The following ZNF664 variants were observed in gnomAD, a reference collection of about 807,000 sequenced individuals.
The protein encoded by ZNF664 is zinc finger Organ of Corti 1.
In ZNF664, 10 loss-of-function variants were observed where a neutral mutation model predicts 18.2. The ratio of observed to expected loss-of-function variants is 0.55; its 90% CI spans 0.34 to 0.93. The LOEUF (loss-of-function observed/expected upper bound fraction) is 0.93. Among genes scored for constraint, ZNF664 ranks in the 40% least tolerant of loss-of-function variants. The pLI, the probability that ZNF664 is intolerant of heterozygous loss-of-function variation, is 0.02. For missense variants in ZNF664, 193 were observed against 319.0 expected (o/e 0.61, Z 3.01); for synonymous variants, 119 against 104.2 (o/e 1.14, Z -0.86).
At chr12:123,998,572 T>C (rs1309679195) in intron 3 of ZNF664, 1 of 152,358 alleles carries the variant, frequency 6.6e-6, no homozygotes, top group African/African-American at 2.4e-5. Context: ...ACTTTGTCCT[T>C]TGGGTTTCAG....
chr12:124,014,264 C>CA lies in ZNF664; in HGVS notation c.*1335dup, dbSNP rs1957166916. ...TGAGCTGAGGCCGGAGGAGAAGTAGCAGTCGCTGGCAGAGCACACAGGCTG... is the reference window on the plus strand; with the variant it reads ...TGAGCTGAGGCCGGAGGAGAAGTAGCAAGTCGCTGGCAGAGCACACAGGCTG... On this transcript the variant is annotated 3_prime_UTR_variant, in exon 5 of 5. Transcript: ENST00000337815. 1 of 167,038 alleles carries CA rather than the reference C, an allele frequency of 6.0e-6. No individual in the cohort carries two copies. The highest frequency in any genetic ancestry group is 1.5e-5 in the Non-Finnish European group (1 of 68,246). 10.3% of individuals were successfully genotyped at this position (167,038 alleles called of 1,614,324 possible). A position where few individuals can be genotyped will look rare whatever the true frequency, so the allele number is the denominator to read the frequency against.
rs551315758 is a variant in ZNF664, at chr12:124,001,578, C to G, written c.-660-9803C>G. ...CACCCTGCAGAGGCCTCCTCTAGATCTGAGGTCAGCCATCAGTTCAAAGTG... is the reference window on the plus strand; with the variant it reads ...CACCCTGCAGAGGCCTCCTCTAGATGTGAGGTCAGCCATCAGTTCAAAGTG... On this transcript the variant is annotated intron_variant, in intron 3 of 4. Coordinates refer to ENST00000337815, the MANE Select transcript of ZNF664 (RefSeq NM_152437.3). 2.1e-4 allele frequency among the ~76,000 whole-genome samples: 32 copies of G among 152,350 alleles called. 1 individual carries two copies. In the South Asian group the frequency reaches 5.6e-3, roughly 27 times the overall value.
chr12:123,998,229 G>C (rs1349392704), intron 3 of ZNF664, among the ~76,000 whole-genome samples: 1 of 152,112 alleles, frequency 6.6e-6, no homozygotes, highest in African/African-American at 2.4e-5. Context: ...CGGCACCTGT[G>C]ACAGGCTCCA....
chr12:123,989,129 C>T (rs903797933), intron 3 of ZNF664, among the ~76,000 whole-genome samples: 5 of 152,144 alleles, frequency 3.3e-5, no homozygotes, highest in African/African-American at 1.2e-4. Flanking sequence ...GGCCTCTGTC[C>T]TAGTGGGTCT....
At chr12:123,973,432 G>A (rs1218127035) in intron 1 of ZNF664, 80 bp downstream of exon 1, 14 of 840,462 alleles carry the variant, frequency 1.7e-5, no homozygotes, top group Non-Finnish European at 1.7e-5. Context: ...GAGCGGGCTG[G>A]GGGTGGGAAG....
At position 124,012,163 on chromosome 12, in the gene ZNF664, A is replaced by G. The variant is rs778544598; in HGVS notation, c.19A>G (p.Met7Val). The stretch of plus-strand genomic sequence containing the variant: ...AGGAAAAATGATCTACAAGTGCCCC[A>G]TGTGTAGGGAATTTTTCTCTGAGAG... MIYKCP[M>V]CREFFSERAD... Residue 7 changes from methionine (M) to valine (V), a missense_variant, in exon 5 of 5, where the codon ATG becomes GTG. By Grantham distance (21) the Met-to-Val change is conservative. Around this residue, in one of 3 missense-constraint regions of ZNF664, gnomAD observed 90 missense variants for 118.9 expected, o/e 0.76. Transcript: ENST00000337815. 17 of 1,611,412 alleles carry G rather than the reference A, an allele frequency of 1.1e-5. No individual in the cohort carries two copies. The highest frequency in any genetic ancestry group is 1.4e-5 in the Non-Finnish European group (17 of 1,179,400).
At position 124,014,198 on chromosome 12, in the gene ZNF664, C is replaced by T. The variant is rs891212312; in HGVS notation, c.*1268C>T. ...GTGGGGTGGGGTGGGGGTGGGGTGACATTAGCTAGTGGTCAGGGAGGCCTT... is the reference window on the plus strand; with the variant it reads ...GTGGGGTGGGGTGGGGGTGGGGTGATATTAGCTAGTGGTCAGGGAGGCCTT... On this transcript the variant is annotated 3_prime_UTR_variant, in exon 5 of 5. Coordinates refer to ENST00000337815, the MANE Select transcript of ZNF664 (RefSeq NM_152437.3). 8 of 166,842 alleles carry T rather than the reference C, an allele frequency of 4.8e-5. No homozygotes were observed. Among genetic ancestry groups the T allele is most frequent in the Admixed American group, 2.6e-4 (4 of 15,256 alleles). 10.3% of individuals were successfully genotyped at this position (166,842 alleles called of 1,614,324 possible). A position where few individuals can be genotyped will look rare whatever the true frequency, so the allele number is the denominator to read the frequency against.
At chr12:123,977,268 A>G (rs1178103465) in intron 2 of ZNF664, among the ~76,000 whole-genome samples, 2 of 152,206 alleles carry the variant, frequency 1.3e-5, no homozygotes, top group African/African-American at 4.8e-5. Flanking sequence ...ATGTTTTGAC[A>G]AAGCGGTAAT....
chr12:123,975,627 C>A (rs1003176272), intron 2 of ZNF664, among the ~76,000 whole-genome samples: 1 of 152,162 alleles, frequency 6.6e-6, no homozygotes, highest in African/African-American at 2.4e-5. Flanking sequence ...CAGGCTCTTA[C>A]TATCTTGCCC....
intron 3 of ZNF664, among the ~76,000 whole-genome samples, chr12:124,002,749 G>C (rs142609355): frequency 9.8e-4 from 149 of 152,206 alleles, no homozygotes; most frequent in African/African-American, 3.4e-3. Context: ...GGGGAGATTT[G>C]GTTTGGAAAT....
chr12:124,005,336 A>G (rs893387531), intron 3 of ZNF664, among the ~76,000 whole-genome samples: 3 of 152,232 alleles, frequency 2.0e-5, no homozygotes, highest in Admixed American at 2.0e-4. Context: ...TTGTTGAATG[A>G]CCACAGGTCA....
intron 3 of ZNF664, chr12:124,005,000 T>G (rs1330214230): frequency 1.3e-5 from 2 of 153,378 alleles, no homozygotes; most frequent in African/African-American, 4.8e-5. Flanking sequence ...AGTGCACAAT[T>G]TAAGTGTAAT....
chr12:123,980,369 TGTG>T (rs1431861559), intron 2 of ZNF664, among the ~76,000 whole-genome samples: 3 of 152,160 alleles, frequency 2.0e-5, no homozygotes, highest in East Asian at 1.9e-4. Context: ...CCTAAAAGGA[TGTG>T]GTAAAAATGA....
intron 3 of ZNF664, among the ~76,000 whole-genome samples, chr12:124,002,117 G>A (rs1276321172): frequency 1.3e-5 from 2 of 152,220 alleles, no homozygotes; most frequent in Non-Finnish European, 2.9e-5. Context: ...TGACAAGCCC[G>A]GGAGCCGCTT....
At chr12:123,985,753 A>G (rs1237351845) in intron 2 of ZNF664, among the ~76,000 whole-genome samples, 1 of 152,172 alleles carries the variant, frequency 6.6e-6, no homozygotes, top group East Asian at 1.9e-4. Flanking sequence ...CTTAGGCCCA[A>G]ACACGTCCGC....
intron 2 of ZNF664, among the ~76,000 whole-genome samples, chr12:123,981,049 C>T (rs1956759447): frequency 6.6e-6 from 1 of 152,068 alleles, no homozygotes. Flanking sequence ...TAGAAGGTTA[C>T]ATTAGAGTAG....
chr12:123,987,940 A>T, intron 2 of ZNF664, 103 bp from the exon 3 acceptor site: 2 of 1,226,052 alleles, frequency 1.6e-6, no homozygotes, highest in Non-Finnish European at 2.0e-6. Flanking sequence ...CTATCTTCTG[A>T]GCTGGGACCC....
In ZNF664 at chr12:123,985,528, A is replaced by ATAGTATACTTCTAT. The variant is rs1222032601; in HGVS notation, c.-756-2509_-756-2508insACTTCTATTAGTAT. On this transcript the variant is annotated intron_variant, in intron 2 of 4. Coordinates refer to ENST00000337815, the MANE Select transcript of ZNF664 (RefSeq NM_152437.3). ...TTTAAAAAACTTCTTGGTAAAACTA[A>ATAGTATACTTCTAT]TAGTATGGCTAATAGAAGTTATTTG... Among the ~76,000 whole-genome samples, 3 of 152,386 alleles carry ATAGTATACTTCTAT rather than the reference A, an allele frequency of 2.0e-5. No homozygotes were observed. The East Asian group carries it at 5.8e-4, about 29-fold the overall frequency.
intron 3 of ZNF664, among the ~76,000 whole-genome samples, chr12:124,009,781 G>T (rs1449159705): frequency 6.6e-6 from 1 of 152,128 alleles, no homozygotes; most frequent in Non-Finnish European, 1.5e-5. Flanking sequence ...CTCCTGGCAT[G>T]CTGGGATTAC....
Sources: allele counts gnomAD v4.1 joint callset (sites outside exome capture counted in the v4.1 genomes callset), GRCh38; gene constraint gnomAD v4.1.1; regional missense constraint gnomAD v4.1.1; transcripts MANE v1.5; gene names NCBI Gene and HGNC (gene_info 2026-07-23, HGNC 2026-07-21).